The following FSTL5 variants were observed in gnomAD, a reference collection of about 807,000 sequenced individuals.
FSTL5 encodes follistatin-related protein 5.
In FSTL5, 62 loss-of-function variants were observed where a neutral mutation model predicts 89.1. The observed-to-expected ratio is 0.70, with a 90% CI of 0.57 to 0.86. The LOEUF is 0.86. FSTL5 is among the 40% of genes least tolerant of loss of function. The pLI, the probability that FSTL5 is intolerant of heterozygous loss-of-function variation, is 0.00. For synonymous variants in FSTL5, 383 were observed against 346.2 expected (o/e 1.11, Z -1.18); for missense variants, 1,057 against 1,001.6 (o/e 1.06, Z -0.75).
intron 1 of FSTL5, among the ~76,000 whole-genome samples, chr4:162,128,743 C>T (rs756599477): frequency 7.2e-5 from 11 of 151,782 alleles, no homozygotes; most frequent in Admixed American, 1.3e-4. Flanking sequence ...TTCTTTTTCC[C>T]GATCTTCCTA....
intron 4 of FSTL5, among the ~76,000 whole-genome samples, chr4:161,903,668 T>G (rs1259111746): frequency 1.3e-5 from 2 of 152,070 alleles, no homozygotes; most frequent in Non-Finnish European, 2.9e-5. Flanking sequence ...AATCAGACAT[T>G]CATAGGTTTT....
rs70937664 is a variant in FSTL5, at chr4:161,573,733, CAAAAAAAA to C, written c.1015+13714_1015+13721del. On this transcript the variant is annotated intron_variant, in intron 8 of 15. Transcript: ENST00000306100. ...GGGCAACAAGAGAGAAACTCCAGCT[CAAAAAAAA>C]AAAAAAAAAAAAAAAAGAAAAGAAA... Among the ~76,000 whole-genome samples the C allele has an allele frequency of 1.2e-4, 6 of 50,624 alleles. No individual in the cohort carries two copies. In the South Asian group the frequency reaches 4.7e-3, roughly 40 times the overall value. 33.2% of individuals were successfully genotyped at this position (50,624 alleles called of 152,430 possible).
At chr4:161,606,613 T>C (rs1178991478) in intron 7 of FSTL5, among the ~76,000 whole-genome samples, 3 of 152,186 alleles carry the variant, frequency 2.0e-5, no homozygotes. Context: ...CTTTCTCAGT[T>C]GATCACCTTT....
intron 6 of FSTL5, among the ~76,000 whole-genome samples, chr4:161,729,456 A>C (rs752353996): frequency 2.0e-5 from 3 of 152,110 alleles, no homozygotes; most frequent in Admixed American, 1.3e-4. Context: ...TTAAACACAC[A>C]CTTCTGAATG....
intron 1 of FSTL5, among the ~76,000 whole-genome samples, chr4:162,145,536 C>T (rs1181299394): frequency 6.6e-6 from 1 of 152,014 alleles, no homozygotes; most frequent in African/African-American, 2.4e-5. Flanking sequence ...TTATTAAAAA[C>T]AAACTGATGA....
intron 4 of FSTL5, among the ~76,000 whole-genome samples, chr4:161,880,131 G>A (rs544638986): frequency 6.6e-6 from 1 of 152,038 alleles, no homozygotes; most frequent in East Asian, 1.9e-4. Flanking sequence ...CTAGGTGTGG[G>A]GGAGAAAAAG....
intron 3 of FSTL5, among the ~76,000 whole-genome samples, chr4:161,959,219 A>T (rs979204480): frequency 1.3e-5 from 2 of 152,164 alleles, no homozygotes; most frequent in South Asian, 4.1e-4. Flanking sequence ...TCATTATTAC[A>T]TAAAAGGTGA....
At chr4:161,935,627 G>A (rs13137247) in intron 3 of FSTL5, among the ~76,000 whole-genome samples, 49,394 of 151,732 alleles carry the variant, frequency 0.33, 9,692 homozygotes, top group Non-Finnish European at 0.43. Context: ...GAATATGAAG[G>A]TTTTTTTAAA....
intron 3 of FSTL5, among the ~76,000 whole-genome samples, chr4:161,972,123 G>A (rs777350578): frequency 3.3e-5 from 5 of 151,940 alleles, no homozygotes; most frequent in African/African-American, 7.3e-5. Context: ...AGGGAGTTTC[G>A]CTCTTGTCTC....
intron 3 of FSTL5, among the ~76,000 whole-genome samples, chr4:161,927,273 G>T (rs1331583293): frequency 1.3e-5 from 2 of 151,416 alleles, no homozygotes; most frequent in African/African-American, 2.4e-5. Context: ...AATATTTCAG[G>T]CTTTGGAATA....
chr4:161,463,106 C>T (rs1733636523), intron 13 of FSTL5, among the ~76,000 whole-genome samples: 1 of 152,014 alleles, frequency 6.6e-6, no homozygotes, highest in Non-Finnish European at 1.5e-5. Flanking sequence ...TGTCAGAAAG[C>T]AGTTCATGAT....
intron 4 of FSTL5, among the ~76,000 whole-genome samples, chr4:161,902,948 C>T (rs1174964250): frequency 6.6e-6 from 1 of 152,134 alleles, no homozygotes; most frequent in Non-Finnish European, 1.5e-5. Flanking sequence ...TGTTAACTTA[C>T]CCACCAATAT....
chr4:161,975,249 C>T (rs981863378), intron 3 of FSTL5, among the ~76,000 whole-genome samples: 4 of 144,668 alleles, frequency 2.8e-5, no homozygotes, highest in African/African-American at 1.0e-4. Context: ...CATCCCATTA[C>T]TGGGTATATA....
chr4:161,737,798 G>GA (rs5863478), intron 6 of FSTL5, among the ~76,000 whole-genome samples: 21,950 of 149,960 alleles, frequency 0.15, 1,601 homozygotes, highest in Middle Eastern at 0.22. Context: ...TAGAGATAAA[G>GA]AAAAAAAAAT....
intron 4 of FSTL5, among the ~76,000 whole-genome samples, chr4:161,776,501 T>A (rs1741417327): frequency 7.0e-6 from 1 of 142,880 alleles, no homozygotes; most frequent in African/African-American, 2.9e-5. Context: ...TAGATTGTGC[T>A]GGATTTTGTA....
chr4:161,922,937 A>T (rs922755544), intron 3 of FSTL5, among the ~76,000 whole-genome samples: 3 of 151,918 alleles, frequency 2.0e-5, no homozygotes, highest in Non-Finnish European at 2.9e-5. Flanking sequence ...ATTAGTTTGA[A>T]GGTGTCTCTG....
intron 12 of FSTL5, among the ~76,000 whole-genome samples, chr4:161,484,392 C>A (rs1193863516): frequency 6.6e-6 from 1 of 152,132 alleles, no homozygotes; most frequent in African/African-American, 2.4e-5. Flanking sequence ...GTCCACTACT[C>A]CTTACTTTCA....
intron 3 of FSTL5, among the ~76,000 whole-genome samples, chr4:162,017,908 T>C (rs1736961689): frequency 6.6e-6 from 1 of 152,188 alleles, no homozygotes; most frequent in African/African-American, 2.4e-5. Flanking sequence ...CATTATACCT[T>C]CTAATGCATT....
intron 4 of FSTL5, among the ~76,000 whole-genome samples, chr4:161,901,670 A>T (rs552530499): frequency 6.6e-6 from 1 of 152,166 alleles, no homozygotes; most frequent in African/African-American, 2.4e-5. Context: ...ATGGTGGCTC[A>T]CACCTGTAAT....
Sources: allele counts gnomAD v4.1 joint callset (sites outside exome capture counted in the v4.1 genomes callset), GRCh38; gene constraint gnomAD v4.1.1; transcripts MANE v1.5; gene names NCBI Gene and HGNC (gene_info 2026-07-23, HGNC 2026-07-21).